DCT: variants seen among roughly 807,000 people sequenced by gnomAD.
The protein encoded by DCT is dopachrome tautomerase, also known as L-dopachrome tautomerase.
In DCT, 47 loss-of-function variants were observed where a neutral mutation model predicts 53.0. The ratio of observed to expected loss-of-function variants is 0.89; its 90% CI spans 0.70 to 1.13. DCT has a LOEUF of 1.13. Ranked by LOEUF, DCT falls within the 50% of genes most tolerant of loss-of-function variation. The pLI is 0.00. For synonymous variants in DCT, 244 were observed against 237.0 expected, an observed-to-expected ratio of 1.03 and a Z score of -0.27; for missense variants, 669 against 637.4, an observed-to-expected ratio of 1.05 and a Z score of -0.53.
At chr13:94,441,783 T>C (rs1349213969) in intron 7 of DCT, among the ~76,000 whole-genome samples, 1 of 152,222 alleles carries the variant, frequency 6.6e-6, no homozygotes, top group Non-Finnish European at 1.5e-5. Flanking sequence ...CTTTTGGCTA[T>C]TGTAAGTAAT....
chr13:94,529,341 T>C, the DCT span, among the ~76,000 whole-genome samples: 1 of 152,220 alleles, frequency 6.6e-6, no homozygotes, highest in East Asian at 1.9e-4. Context: ...ATATACATTC[T>C]TCTCAGTACC....
chr13:94,478,279 C>G (rs966469890), intron 1 of DCT, among the ~76,000 whole-genome samples: 2 of 151,434 alleles, frequency 1.3e-5, no homozygotes, highest in African/African-American at 2.4e-5. Flanking sequence ...GTCAGGAGTT[C>G]GGGACCAGCT....
the DCT span, among the ~76,000 whole-genome samples, chr13:94,488,680 A>T: frequency 6.7e-6 from 1 of 150,288 alleles, no homozygotes; most frequent in African/African-American, 2.5e-5. Context: ...GCATCACTGG[A>T]CTCCAGCCTG....
chr13:94,458,864 G>T lies in DCT; in HGVS notation c.1179+1227C>A, dbSNP rs143379316. The stretch of plus-strand genomic sequence containing the variant: ...GAATTGTAAAATTTAGAATCCTATT[G>T]TCAAGTTTTGTTCAGTTTGTTTTTG... On this transcript the variant is annotated intron_variant, in intron 6 of 7. Transcript: ENST00000377028. Among the ~76,000 whole-genome samples, 964 of 152,100 alleles carry T rather than the reference G, an allele frequency of 6.3e-3. 9 individuals carry two copies. Among genetic ancestry groups the T allele is most frequent in the African/African-American group, 0.022 (924 of 41,498 alleles).
chr13:94,451,854 G>A (rs2139300016), intron 6 of DCT, among the ~76,000 whole-genome samples: 1 of 151,906 alleles, frequency 6.6e-6, no homozygotes, highest in South Asian at 2.1e-4. Context: ...AGAAAATGTT[G>A]TATTTTGTTA....
At chr13:94,472,568 A>ATTTTTTTT (rs869190962) in intron 1 of DCT, among the ~76,000 whole-genome samples, 1 of 15,034 alleles carries the variant, frequency 6.7e-5, no homozygotes, top group African/African-American at 3.7e-4. Flanking sequence ...ATATATATAT[A>ATTTTTTTT]TTTTTTTTTT....
At chr13:94,518,113 GGAAGGAA>G in the DCT span, among the ~76,000 whole-genome samples, 1 of 62,772 alleles carries the variant, frequency 1.6e-5, no homozygotes, top group African/African-American at 1.0e-4. Flanking sequence ...ACGAAGGGAA[GGAAGGAA>G]GGAAGGAAGG....
chr13:94,473,659 GA>G (rs1884893843), intron 1 of DCT, among the ~76,000 whole-genome samples: 2 of 152,224 alleles, frequency 1.3e-5, no homozygotes, highest in South Asian at 4.1e-4. Flanking sequence ...GAAAATCAGA[GA>G]TGCTTCACAA....
intron 1 of DCT, 39 bp downstream of exon 1, chr13:94,478,922 C>A: frequency 6.4e-7 from 1 of 1,560,316 alleles, no homozygotes; most frequent in South Asian, 1.2e-5. Context: ...CTTTCCCCAG[C>A]TCTGGCCCTC....
At chr13:94,536,715 G>C in the DCT span, among the ~76,000 whole-genome samples, 1 of 152,140 alleles carries the variant, frequency 6.6e-6, no homozygotes, top group Admixed American at 6.5e-5. Context: ...GGCCGAGATG[G>C]GTAGATCACC....
the DCT span, among the ~76,000 whole-genome samples, chr13:94,505,809 G>A: frequency 2.0e-5 from 3 of 152,306 alleles, no homozygotes; most frequent in Admixed American, 6.5e-5. Flanking sequence ...AGAGACCCAC[G>A]TGGCAAGAAA....
At chr13:94,514,793 A>G in the DCT span, among the ~76,000 whole-genome samples, 1 of 152,100 alleles carries the variant, frequency 6.6e-6, no homozygotes, top group Admixed American at 6.5e-5. Context: ...TAGACTGCAG[A>G]CAGTGAGGAG....
At chr13:94,509,239 C>T in the DCT span, among the ~76,000 whole-genome samples, 1 of 152,164 alleles carries the variant, frequency 6.6e-6, no homozygotes, top group Non-Finnish European at 1.5e-5. Flanking sequence ...GAACTTTTCT[C>T]CTTTTTCTGT....
At chr13:94,446,413 G>A (rs1426907895) in intron 6 of DCT, among the ~76,000 whole-genome samples, 2 of 152,158 alleles carry the variant, frequency 1.3e-5, no homozygotes, top group Non-Finnish European at 2.9e-5. Flanking sequence ...CACACACACT[G>A]TACATATAGC....
intron 4 of DCT, among the ~76,000 whole-genome samples, chr13:94,463,285 C>CTTTTT (rs34241046): frequency 7.6e-6 from 1 of 131,364 alleles, no homozygotes; most frequent in Non-Finnish European, 1.6e-5. Flanking sequence ...TACTGGCTAA[C>CTTTTT]TTTTTTTTTT....
At chr13:94,498,827 AAC>A in the DCT span, among the ~76,000 whole-genome samples, 1 of 152,204 alleles carries the variant, frequency 6.6e-6, no homozygotes, top group African/African-American at 2.4e-5. Flanking sequence ...ACTCTGTAAA[AAC>A]ACACCAATCA....
At chr13:94,547,072 G>A in the DCT span, among the ~76,000 whole-genome samples, 1 of 151,852 alleles carries the variant, frequency 6.6e-6, no homozygotes. Flanking sequence ...CAATTTGCCC[G>A]CTTAGCCCTC....
intron 4 of DCT, 73 bp from the exon 5 acceptor site, chr13:94,462,262 C>T: frequency 8.3e-7 from 1 of 1,210,712 alleles, no homozygotes; most frequent in Non-Finnish European, 1.2e-6. Flanking sequence ...AATCCCAGCA[C>T]TTTGGGAGGT....
At chr13:94,525,840 A>C in the DCT span, among the ~76,000 whole-genome samples, 1 of 152,138 alleles carries the variant, frequency 6.6e-6, no homozygotes, top group Non-Finnish European at 1.5e-5. Context: ...AAAACATAAA[A>C]AATTAGCCAG....
Sources: gnomAD v4.1 joint callset for allele counts (sites outside exome capture counted in the v4.1 genomes callset) on GRCh38, gnomAD v4.1.1 for gene constraint, MANE v1.5 for transcripts, NCBI Gene and HGNC (gene_info 2026-07-23, HGNC 2026-07-21) for gene names.